Variants in LMBR1L observed in about 807,000 individuals in gnomAD.
LMBR1L encodes limb development membrane protein 1 like.
LMBR1L carries 47 observed loss-of-function variants against 67.3 expected under a neutral mutation model. That is an observed-to-expected ratio of 0.70 (90% CI 0.55 to 0.89). The LOEUF is 0.89. Ranked by LOEUF, LMBR1L falls within the 40% of genes least tolerant of loss-of-function variation. LMBR1L has a pLI of 0.00. For synonymous variants in LMBR1L, 247 were observed against 250.3 expected, an observed-to-expected ratio of 0.99 and a Z score of 0.13; for missense variants, 533 against 599.2, an observed-to-expected ratio of 0.89 and a Z score of 1.15.
chr12:49,099,633 G>A (rs376172516), intron 15 of LMBR1L, among the ~76,000 whole-genome samples: 1 of 150,954 alleles, frequency 6.6e-6, no homozygotes, highest in Admixed American at 6.6e-5. Context: ...CCAGGCTGGA[G>A]TGCAATGGCG....
At chr12:49,103,613 T>TCA (rs1293614952) in intron 6 of LMBR1L, 74 bp downstream of exon 6, 4 of 1,531,546 alleles carry the variant, frequency 2.6e-6, no homozygotes, top group Non-Finnish European at 3.5e-6. Context: ...CTTTAGAAGG[T>TCA]TACAGTCATT....
At chr12:49,110,167 G>A (rs1941375149) in intron 1 of LMBR1L, 7 of 561,622 alleles carry the variant, frequency 1.2e-5, no homozygotes, top group Non-Finnish European at 2.3e-5. Context: ...TCAGACTAAG[G>A]CAGACTCCGC....
At chr12:49,106,035 C>A in intron 2 of LMBR1L, 78 bp from the exon 3 acceptor site, 1 of 1,232,366 alleles carries the variant, frequency 8.1e-7, no homozygotes, top group Admixed American at 1.9e-5. Context: ...TTACAATGTG[C>A]TCCCTGCCCC....
At chr12:49,099,730 C>T (rs180877913) in intron 15 of LMBR1L, among the ~76,000 whole-genome samples, 1 of 152,152 alleles carries the variant, frequency 6.6e-6, no homozygotes, top group African/African-American at 2.4e-5. Context: ...TACAGGCATG[C>T]ACCACCACAC....
intron 1 of LMBR1L, among the ~76,000 whole-genome samples, chr12:49,108,590 C>T (rs568385154): frequency 2.2e-3 from 311 of 143,434 alleles, no homozygotes; most frequent in Middle Eastern, 0.017. Flanking sequence ...AAAAAAAGGC[C>T]GTGTGTGGTG....
At chr12:49,100,893 A>C in intron 13 of LMBR1L, 1 of 553,794 alleles carries the variant, frequency 1.8e-6, no homozygotes, top group Middle Eastern at 4.9e-4. Flanking sequence ...ACGTCTGGCT[A>C]ATTTTTTGTA....
At position 49,104,498 on chromosome 12, in the gene LMBR1L, G is replaced by C; in HGVS notation, c.385C>G (p.Pro129Ala). The change falls in exon 5 of 17, where the codon CCC becomes GCC. Residue 129 changes from proline to alanine, a missense_variant. By Grantham distance (27) the Pro-to-Ala change is conservative. This residue lies in a region of LMBR1L where 246 missense variants were observed against 249.0 expected (regional missense o/e 0.99). Transcript: ENST00000267102. ...GACTCAGTGAAGAAATATGCAAAGG[G>C]CATGAGGAAGATGAGGGACAGGTTG... The part of the protein sequence containing the change: ...FSNLSLIFLM[P>A]FAYFFTESEG... The C allele has an allele frequency of 6.2e-7, 1 of 1,614,082 alleles. No individual in the cohort carries two copies. Among genetic ancestry groups the C allele is most frequent in the Non-Finnish European group, 8.5e-7 (1 of 1,179,976 alleles).
intron 16 of LMBR1L, 38 bp from the exon 17 acceptor site, chr12:49,097,777 A>G: frequency 1.2e-6 from 2 of 1,613,412 alleles, no homozygotes; most frequent in Non-Finnish European, 1.7e-6. Context: ...AGCAAGTCAA[A>G]GGTCCAGTCC....
At chr12:49,100,943 G>C (rs1229151783) in intron 13 of LMBR1L, 3 of 550,926 alleles carry the variant, frequency 5.4e-6, no homozygotes, top group Non-Finnish European at 9.4e-6. Flanking sequence ...TGCTCAGGCT[G>C]GTCTTGAAAT....
intron 5 of LMBR1L, 128 bp downstream of exon 5, chr12:49,104,320 C>T (rs1006702707): frequency 1.2e-5 from 9 of 740,316 alleles, no homozygotes; most frequent in Non-Finnish European, 1.9e-5. Flanking sequence ...TAATGACTTC[C>T]TACTGTCACT....
chr12:49,100,396 CGA>C lies in LMBR1L; in HGVS notation c.1230_1231del (p.Arg411AsnfsTer8). ...CTCCTTTCAATACTTACCCAGGGTT[CGA>C]GAGAAGACAGGAAGTGCTGAGCTTA... On this transcript the variant is annotated frameshift_variant, in exon 15 of 17. Coordinates refer to ENST00000267102, the MANE Select transcript of LMBR1L (RefSeq NM_018113.4). LOFTEE classifies it high-confidence loss of function. 6.2e-7 allele frequency: 1 copy of C among 1,613,014 alleles called. No homozygotes were observed. Among genetic ancestry groups the C allele is most frequent in the South Asian group, 1.1e-5 (1 of 91,036 alleles).
intron 15 of LMBR1L, among the ~76,000 whole-genome samples, chr12:49,099,302 C>T (rs1263997464): frequency 6.6e-6 from 1 of 151,762 alleles, no homozygotes; most frequent in Non-Finnish European, 1.5e-5. Flanking sequence ...GCATGTGCCA[C>T]CATACCTGGC....
chr12:49,109,962 G>A, intron 1 of LMBR1L: 1 of 448,302 alleles, frequency 2.2e-6, no homozygotes, highest in South Asian at 1.6e-5. Context: ...CTACATATTA[G>A]GATCCACCCC....
intron 15 of LMBR1L, among the ~76,000 whole-genome samples, chr12:49,099,853 T>G (rs933559678): frequency 6.6e-6 from 1 of 152,218 alleles, no homozygotes; most frequent in African/African-American, 2.4e-5. Flanking sequence ...AGTGCTGGGA[T>G]TACAGGCATG....
In LMBR1L at chr12:49,106,973, C is replaced by T. The variant is rs370079049; in HGVS notation, c.145G>A (p.Glu49Lys). The change falls in exon 2 of 17, where the codon GAG becomes AAG. Residue 49 changes from glutamate (E) to lysine (K), a missense_variant. Physicochemically the swap from Glu to Lys is moderately conservative, Grantham distance 56. Around this residue, in one of 3 missense-constraint regions of LMBR1L, gnomAD observed 246 missense variants for 249.0 expected, o/e 0.99. Coordinates refer to ENST00000267102, the MANE Select transcript of LMBR1L (RefSeq NM_018113.4). ...GAAATCAAAGTACCTGTGGTGAACT[C>T]AGCAGGCTTCTTGAAGCGGGTCAGG... ...IFLTRFKKPA[E>K]FTTVDDEDAT... 14 of 1,611,812 alleles carry T rather than the reference C, an allele frequency of 8.7e-6. No individual in the cohort carries two copies. The African/African-American group carries it at 1.7e-4, about 20-fold the overall frequency.
Position 49,107,543 on chromosome 12 carries a change from A to G in LMBR1L, c.73-498T>C, listed in dbSNP as rs116601141. ...GCACACTGCTGCCTTGACCCAAAGA[A>G]GGTGTCATGTTTCTAGACCAAGTCA... On this transcript the variant is annotated intron_variant, in intron 1 of 16. Transcript: ENST00000267102. 5.4e-3 allele frequency among the ~76,000 whole-genome samples: 820 copies of G among 152,276 alleles called. 11 individuals carry two copies. The highest frequency in any genetic ancestry group is 0.018 in the African/African-American group (760 of 41,558).
chr12:49,104,354 A>G, intron 5 of LMBR1L, 94 bp downstream of exon 5: 1 of 957,824 alleles, frequency 1.0e-6, no homozygotes, highest in Non-Finnish European at 1.6e-6. Flanking sequence ...TCCGTTAACT[A>G]AACCTCTGCA....
intron 2 of LMBR1L, chr12:49,106,318 G>A: frequency 2.6e-6 from 1 of 382,282 alleles, no homozygotes. Context: ...AAAGGGAAAA[G>A]AGAGGAGGGG....
chr12:49,101,656 C>T, intron 11 of LMBR1L, 107 bp from the exon 12 acceptor site: 3 of 782,808 alleles, frequency 3.8e-6, no homozygotes, highest in South Asian at 3.4e-5. Flanking sequence ...CCAAGACTAG[C>T]TCTGCTTCCA....
Sources: gnomAD v4.1 joint callset for allele counts (sites outside exome capture counted in the v4.1 genomes callset) on GRCh38, gnomAD v4.1.1 for gene constraint, gnomAD v4.1.1 regional missense constraint, MANE v1.5 for transcripts, NCBI Gene and HGNC (gene_info 2026-07-23, HGNC 2026-07-21) for gene names.